The following C5orf34 variants were observed in gnomAD, a reference collection of about 807,000 sequenced individuals.
C5orf34 encodes uncharacterized protein C5orf34.
A neutral mutation model predicts 78.4 loss-of-function variants in C5orf34; 73 were observed. The ratio of observed to expected loss-of-function variants is 0.93; its 90% CI spans 0.77 to 1.13. C5orf34 has a LOEUF of 1.13. C5orf34 is among the 50% of genes most tolerant of loss of function. C5orf34 has a pLI of 0.00. For missense variants in C5orf34, 730 were observed against 732.7 expected, an observed-to-expected ratio of 1.00 and a Z score of 0.04; for synonymous variants, 251 against 246.6, an observed-to-expected ratio of 1.02 and a Z score of -0.17.
At chr5:43,493,278 A>G (rs1745360627) in intron 8 of C5orf34, among the ~76,000 whole-genome samples, 1 of 152,114 alleles carries the variant, frequency 6.6e-6, no homozygotes, top group Non-Finnish European at 1.5e-5. Flanking sequence ...TATAATGACT[A>G]ATGATTTTAC....
rs547087027 is a variant in C5orf34, at chr5:43,513,641, T to C, written c.-37+1165A>G. Among the ~76,000 whole-genome samples the C allele has an allele frequency of 1.2e-4, 18 of 152,352 alleles. No homozygotes were observed. In the South Asian group the frequency reaches 1.7e-3, roughly 14 times the overall value. ...ACTTCTACAGGGCACTTTAGATACA[T>C]TGGCATTTTAAATGTTCTTTAAACA... is the stretch of plus-strand genomic sequence containing the variant. On this transcript the variant is annotated intron_variant, in intron 1 of 12. Coordinates refer to ENST00000306862, the MANE Select transcript of C5orf34 (RefSeq NM_198566.4).
In C5orf34 at chr5:43,503,729, GTC is replaced by G. The variant is rs1745862982; in HGVS notation, c.962_963del (p.Arg321ThrfsTer3). The G allele has an allele frequency of 2.5e-6, 4 of 1,613,274 alleles. No homozygotes were observed. The South Asian group carries it at 4.4e-5, about 18-fold the overall frequency. ...TCAGGATAGGAATATTCATCAGATT[GTC>G]TCTGTAAAAGTGAATCACAAAAATT... ...RWNFCDSLLQ[R>X]QSDEYSYPEL... On this transcript the variant is annotated frameshift_variant, in exon 5 of 13. Coordinates refer to ENST00000306862, the MANE Select transcript of C5orf34 (RefSeq NM_198566.4). LOFTEE classifies it high-confidence loss of function.
At chr5:43,508,471 T>C in intron 3 of C5orf34, 106 bp downstream of exon 3, 1 of 648,804 alleles carries the variant, frequency 1.5e-6, no homozygotes, top group Non-Finnish European at 2.7e-6. Context: ...TATAGCAATG[T>C]ATCCCCAGGT....
At chr5:43,499,128 A>G (rs922531922) in intron 6 of C5orf34, among the ~76,000 whole-genome samples, 3 of 152,232 alleles carry the variant, frequency 2.0e-5, no homozygotes, top group African/African-American at 7.2e-5. Flanking sequence ...TGAGGATGTC[A>G]TGATAGGGAG....
rs377095558 is a variant in C5orf34, at chr5:43,514,892, G to T, written c.-123C>A. ...GCCAAAATGCTCTGGAAGCCGCAGC[G>T]TCGGCGCCTGCCCACCACTGCTTCT... On this transcript the variant is annotated 5_prime_UTR_variant, in exon 1 of 13. Coordinates refer to ENST00000306862, the MANE Select transcript of C5orf34 (RefSeq NM_198566.4). The T allele has an allele frequency of 6.6e-6, 1 of 152,154 alleles. No individual in the cohort carries two copies. Among genetic ancestry groups the T allele is most frequent in the Admixed American group, 6.5e-5 (1 of 15,274 alleles). The allele number at this position is 152,154 out of a possible 1,614,324, so 9.4% of individuals were successfully genotyped here.
chr5:43,487,257 C>T (rs941482874), intron 12 of C5orf34, 146 bp from the exon 13 acceptor site: 3 of 444,434 alleles, frequency 6.8e-6, no homozygotes, highest in South Asian at 6.5e-5. Context: ...CAAGGCTTAT[C>T]AAGTCTGCTC....
chr5:43,494,432 CT>C, intron 7 of C5orf34, 77 bp downstream of exon 7: 1 of 952,150 alleles, frequency 1.1e-6, no homozygotes, highest in Non-Finnish European at 1.6e-6. Context: ...AATTCTTAAT[CT>C]TATCCTTAAT....
chr5:43,505,168 A>G (rs1745927043), intron 4 of C5orf34, among the ~76,000 whole-genome samples: 1 of 152,222 alleles, frequency 6.6e-6, no homozygotes, highest in Non-Finnish European at 1.5e-5. Context: ...TTGATGTTAC[A>G]AATCTACAAT....
At chr5:43,513,742 C>T (rs1244981296) in intron 1 of C5orf34, among the ~76,000 whole-genome samples, 1 of 152,188 alleles carries the variant, frequency 6.6e-6, no homozygotes, top group Admixed American at 6.5e-5. Context: ...GGTTCTTTAT[C>T]ATCATCAAGG....
intron 1 of C5orf34, among the ~76,000 whole-genome samples, chr5:43,513,523 T>C (rs1005447203): frequency 2.0e-5 from 3 of 152,242 alleles, no homozygotes; most frequent in Admixed American, 1.3e-4. Flanking sequence ...CTTCCATTTC[T>C]ACTTAAAATC....
chr5:43,514,595 G>A (rs1015332509), intron 1 of C5orf34, among the ~76,000 whole-genome samples: 4 of 151,984 alleles, frequency 2.6e-5, no homozygotes, highest in Admixed American at 6.6e-5. Flanking sequence ...ACCATAACCC[G>A]GCTCCAACCC....
At chr5:43,498,637 C>T (rs1745639799) in intron 6 of C5orf34, among the ~76,000 whole-genome samples, 1 of 152,178 alleles carries the variant, frequency 6.6e-6, no homozygotes, top group African/African-American at 2.4e-5. Context: ...CCTTAATATT[C>T]CTTCTCATTT....
intron 2 of C5orf34, among the ~76,000 whole-genome samples, chr5:43,508,906 G>T (rs1473626426): frequency 2.0e-5 from 3 of 152,160 alleles, no homozygotes; most frequent in Non-Finnish European, 2.9e-5. Context: ...ACCAGTTTGT[G>T]CAACATAGCT....
At chr5:43,508,412 G>C (rs1224301067) in intron 3 of C5orf34, among the ~76,000 whole-genome samples, 165 bp downstream of exon 3, 1 of 152,096 alleles carries the variant, frequency 6.6e-6, no homozygotes, top group Admixed American at 6.5e-5. Context: ...TATAATGCTT[G>C]GATACAAAGA....
intron 4 of C5orf34, among the ~76,000 whole-genome samples, chr5:43,504,274 G>A (rs960718369): frequency 8.0e-5 from 12 of 150,550 alleles, no homozygotes; most frequent in African/African-American, 2.4e-4. Flanking sequence ...GCCAGCCTGG[G>A]TGACAGAGCG....
At chr5:43,511,350 C>T (rs6863141) in intron 1 of C5orf34, 149,654 of 155,032 alleles carry the variant, frequency 0.97, 72,266 homozygotes, top group Non-Finnish European at 0.99. Context: ...GCAGCCGCCC[C>T]GTCCGGGAGG....
chr5:43,511,586 A>G (rs1398360780), intron 1 of C5orf34, among the ~76,000 whole-genome samples: 2 of 152,250 alleles, frequency 1.3e-5, no homozygotes, highest in African/African-American at 2.4e-5. Flanking sequence ...TGTCAAATAG[A>G]AAAAGGGGAA....
At chr5:43,494,642 T>A in intron 6 of C5orf34, 41 bp from the exon 7 acceptor site, 1 of 1,339,776 alleles carries the variant, frequency 7.5e-7, no homozygotes, top group South Asian at 1.3e-5. Context: ...TAATAATAAA[T>A]TTTGGCCTTT....
intron 1 of C5orf34, among the ~76,000 whole-genome samples, chr5:43,512,755 C>T (rs1554037903): frequency 8.3e-6 from 1 of 120,182 alleles, no homozygotes; most frequent in African/African-American, 3.3e-5. Flanking sequence ...TATGCCCCAC[C>T]TTGTCTTTTT....
Sources: allele counts gnomAD v4.1 joint callset (sites outside exome capture counted in the v4.1 genomes callset), GRCh38; gene constraint gnomAD v4.1.1; transcripts MANE v1.5; gene names NCBI Gene and HGNC (gene_info 2026-07-23, HGNC 2026-07-21).